Variants in NTM observed in about 807,000 individuals in gnomAD.
NTM encodes neurotrimin.
Under a neutral mutation model 42.1 loss-of-function variants are expected in NTM, and 13 were observed. The ratio of observed to expected loss-of-function variants is 0.31; its 90% CI spans 0.20 to 0.49. The LOEUF is 0.49. Among genes scored for constraint, NTM ranks in the 20% least tolerant of loss-of-function variants. The pLI, the probability that NTM is intolerant of heterozygous loss-of-function variation, is 0.99. For missense variants in NTM, 373 were observed against 452.8 expected (o/e 0.82, Z 1.60); for synonymous variants, 187 against 179.2 (o/e 1.04, Z -0.35).
At chr11:131,912,532 C>T (rs972994696) in intron 2 of NTM, among the ~76,000 whole-genome samples, 1 of 152,220 alleles carries the variant, frequency 6.6e-6, no homozygotes, top group Non-Finnish European at 1.5e-5. Context: ...AACCACACCT[C>T]TCATATGCGG....
chr11:132,301,826 C>T (rs181000414), intron 4 of NTM, among the ~76,000 whole-genome samples: 4 of 152,282 alleles, frequency 2.6e-5, no homozygotes, highest in South Asian at 2.1e-4. Flanking sequence ...CAATTTCTGA[C>T]GTCCAAAGAT....
chr11:131,855,820 C>A (rs1204537663), intron 1 of NTM, among the ~76,000 whole-genome samples: 1 of 152,190 alleles, frequency 6.6e-6, no homozygotes, highest in African/African-American at 2.4e-5. Flanking sequence ...ACCCCCACCT[C>A]CCTGCATGGA....
chr11:132,146,331 A>G lies in NTM; in HGVS notation c.217A>G (p.Thr73Ala). Residue 73 changes from threonine (T) to alanine (A), a missense_variant, in exon 3 of 9, where the codon ACC (threonine) becomes GCC (alanine). Thr to Ala is a moderately conservative substitution (Grantham distance 58, BLOSUM62 0). This residue lies in a region of NTM where 312 missense variants were observed against 353.5 expected (regional missense o/e 0.88). Coordinates refer to ENST00000683400, the MANE Select transcript of NTM (RefSeq NM_001352005.2). The surrounding 1 kb of genome is among the most constrained non-coding windows in gnomAD (Gnocchi z 4.5). Reference sequence around the variant, plus strand: ...CCGGGTGGCCTGGCTAAACCGCAGCACCATCCTCTATGCTGGGAATGACAA... The same window carrying G: ...CCGGGTGGCCTGGCTAAACCGCAGCGCCATCCTCTATGCTGGGAATGACAA... ...VTRVAWLNRS[T>A]ILYAGNDKWC... 1 of 1,614,238 alleles carries G rather than the reference A, an allele frequency of 6.2e-7. No individual in the cohort carries two copies. The highest frequency in any genetic ancestry group is 2.2e-5 in the East Asian group (1 of 44,882).
intron 1 of NTM, among the ~76,000 whole-genome samples, chr11:131,588,189 G>T (rs1199825055): frequency 6.6e-6 from 1 of 152,200 alleles, no homozygotes; most frequent in Non-Finnish European, 1.5e-5. Context: ...TGAGAGATCT[G>T]CTGCAAGCTC....
intron 2 of NTM, among the ~76,000 whole-genome samples, chr11:132,133,801 A>T (rs931739544): frequency 1.3e-5 from 2 of 149,914 alleles, no homozygotes; most frequent in African/African-American, 5.0e-5. Flanking sequence ...ACCCTGGCTT[A>T]CTTCTTTATT....
At chr11:131,609,606 A>G (rs1381278608) in intron 1 of NTM, among the ~76,000 whole-genome samples, 1 of 152,178 alleles carries the variant, frequency 6.6e-6, no homozygotes, top group Non-Finnish European at 1.5e-5. Context: ...GGAAAAGCAG[A>G]CTGTGGTTTG....
chr11:132,068,178 C>A (rs574977926), intron 2 of NTM, among the ~76,000 whole-genome samples: 7 of 152,218 alleles, frequency 4.6e-5, no homozygotes, highest in Admixed American at 3.3e-4. Context: ...AGTGGATCTT[C>A]TAATTTTAGC....
chr11:132,264,273 C>A (rs750957110), intron 4 of NTM, among the ~76,000 whole-genome samples: 6 of 152,096 alleles, frequency 3.9e-5, no homozygotes, highest in African/African-American at 7.2e-5. Flanking sequence ...TTTCATATTT[C>A]ATATATTTAT....
At chr11:131,635,581 C>A (rs2064258845) in intron 1 of NTM, among the ~76,000 whole-genome samples, 2 of 151,834 alleles carry the variant, frequency 1.3e-5, no homozygotes, top group Admixed American at 6.6e-5. Flanking sequence ...AATAAAAAAG[C>A]TTGTCAAGTA....
intron 1 of NTM, among the ~76,000 whole-genome samples, chr11:131,459,566 A>G (rs1395852866): frequency 6.6e-6 from 1 of 152,236 alleles, no homozygotes; most frequent in Non-Finnish European, 1.5e-5. Flanking sequence ...TTCACTGGAA[A>G]CAAGCATTGA....
intron 3 of NTM, among the ~76,000 whole-genome samples, chr11:132,177,960 C>A (rs1026048486): frequency 6.6e-6 from 1 of 152,198 alleles, no homozygotes; most frequent in African/African-American, 2.4e-5. Context: ...AATGTTCCAA[C>A]GCAATTTTAT....
intron 1 of NTM, among the ~76,000 whole-genome samples, chr11:131,532,104 C>A (rs2051363715): frequency 6.6e-6 from 1 of 152,152 alleles, no homozygotes; most frequent in African/African-American, 2.4e-5. Flanking sequence ...CCACTTTAAC[C>A]ATTTTAAACG....
chr11:132,162,396 CAT>C (rs1708591129), intron 3 of NTM, among the ~76,000 whole-genome samples: 2 of 132,430 alleles, frequency 1.5e-5, no homozygotes, highest in Admixed American at 8.0e-5. Flanking sequence ...GTTTGTGGGT[CAT>C]GTGTGTATTT....
chr11:131,435,203 T>A (rs1170370839), intron 1 of NTM, among the ~76,000 whole-genome samples: 1 of 152,238 alleles, frequency 6.6e-6, no homozygotes, highest in African/African-American at 2.4e-5. Flanking sequence ...CCTTGTATTA[T>A]AGTTTGAAGT....
chr11:131,893,104 G>T (rs949664816), intron 1 of NTM, among the ~76,000 whole-genome samples: 1 of 152,228 alleles, frequency 6.6e-6, no homozygotes, highest in Non-Finnish European at 1.5e-5. Flanking sequence ...AATGTAGGAT[G>T]TGGACATTGT....
chr11:131,483,877 G>A (rs1223079108), intron 1 of NTM, among the ~76,000 whole-genome samples: 2 of 152,232 alleles, frequency 1.3e-5, no homozygotes, highest in Admixed American at 6.5e-5. Context: ...TCTGCCTGGC[G>A]CTGCCGGCCT....
intron 1 of NTM, among the ~76,000 whole-genome samples, chr11:131,765,728 T>C (rs2084992819): frequency 6.6e-6 from 1 of 152,048 alleles, no homozygotes; most frequent in Admixed American, 6.5e-5. Context: ...CATCCACAGC[T>C]CAGCACCTGC....
chr11:132,281,154 C>G (rs1048579742), intron 4 of NTM, among the ~76,000 whole-genome samples: 18 of 152,132 alleles, frequency 1.2e-4, no homozygotes, highest in Non-Finnish European at 2.5e-4. Context: ...CTTCTAACAG[C>G]TTTAAAGGAA....
rs2095867189 is a variant in NTM at position 132,335,696 on chromosome 11, TC to T, written c.*553del. On this transcript the variant is annotated 3_prime_UTR_variant, in exon 9 of 9. Transcript: ENST00000683400. ...TAAGACCGTCTGACAGCAACAACGG[TC>T]CCACAAACAAGTCACAAAAGATACC... 6.7e-6 allele frequency: 1 copy of T among 150,008 alleles called. No homozygotes were observed. Among genetic ancestry groups the T allele is most frequent in the South Asian group, 2.1e-4 (1 of 4,748 alleles). 9.3% of individuals were successfully genotyped at this position (150,008 alleles called of 1,614,324 possible).
Sources: gnomAD v4.1 joint callset for allele counts (sites outside exome capture counted in the v4.1 genomes callset) on GRCh38, gnomAD v4.1.1 for gene constraint, gnomAD v4.1.1 regional missense constraint, Gnocchi (gnomAD v3.1) non-coding constraint, MANE v1.5 for transcripts, NCBI Gene and HGNC (gene_info 2026-07-23, HGNC 2026-07-21) for gene names.